Variants in ADGRE3 observed in about 807,000 individuals in gnomAD.
The protein encoded by ADGRE3 is EGF-like module receptor 3.
ADGRE3 carries 88 observed loss-of-function variants against 80.1 expected under a neutral mutation model. The observed-to-expected ratio is 1.10, with a 90% CI of 0.93 to 1.31. The LOEUF is 1.31. Among genes scored for constraint, ADGRE3 ranks in the 40% most tolerant of loss-of-function variants. The pLI is 0.00. For missense variants in ADGRE3, 715 were observed against 776.5 expected (o/e 0.92, Z 0.94); for synonymous variants, 281 against 294.8 (o/e 0.95, Z 0.48).
At chr19:14,620,568 A>ATATATATATTTTTT (rs1435435269) in intron 15 of ADGRE3, among the ~76,000 whole-genome samples, 2 of 11,048 alleles carry the variant, frequency 1.8e-4, no homozygotes, top group Admixed American at 2.0e-3. Context: ...ATATATATAT[A>ATATATATATTTTTT]TTTTTTTTTT....
chr19:14,629,969 A>T, intron 14 of ADGRE3, 70 bp downstream of exon 14: 1 of 1,001,916 alleles, frequency 1.0e-6, no homozygotes, highest in Non-Finnish European at 1.5e-6. Context: ...ATGTCAACTT[A>T]AATCCCCATT....
In ADGRE3 at chr19:14,667,013, G is replaced by A. The variant is rs566561179; in HGVS notation, c.76+1789C>T. 2.6e-4 allele frequency among the ~76,000 whole-genome samples: 40 copies of A among 152,252 alleles called. 1 individual carries two copies. In the South Asian group the frequency reaches 5.0e-3, roughly 19 times the overall value. The stretch of plus-strand genomic sequence containing the variant: ...GATGTAATCAAGTTAAGATGAGGTC[G>A]TACTGGAGTAGGGTGGGCGCAGGTT... On this transcript the variant is annotated intron_variant, in intron 2 of 15. Coordinates refer to ENST00000253673, the MANE Select transcript of ADGRE3 (RefSeq NM_032571.5).
rs755751535 is a variant in ADGRE3, at chr19:14,630,173, T to C, written c.1678A>G (p.Ile560Val). Reference protein sequence around the residue: ...LAFKATAQLFILGCTWCLGLL... With the variant: ...LAFKATAQLFVLGCTWCLGLL... ...CCCAGACACCATGTGCAGCCCAGGA[T>C]GAAGAGCTGAGCTGTTGCTTTGAAA... Residue 560 changes from isoleucine (I) to valine (V), a missense_variant, in exon 14 of 16, where the codon ATC becomes GTC. By Grantham distance (29) the Ile-to-Val change is conservative. Coordinates refer to ENST00000253673, the MANE Select transcript of ADGRE3 (RefSeq NM_032571.5). The C allele has an allele frequency of 6.2e-7, 1 of 1,610,802 alleles. No individual in the cohort carries two copies. Among genetic ancestry groups the C allele is most frequent in the Non-Finnish European group, 8.5e-7 (1 of 1,178,040 alleles).
At chr19:14,637,068 T>C (rs562337308) in intron 11 of ADGRE3, among the ~76,000 whole-genome samples, 1 of 152,084 alleles carries the variant, frequency 6.6e-6, no homozygotes, top group African/African-American at 2.4e-5. Context: ...GACTCCAGCC[T>C]GGGCAACAAG....
chr19:14,617,668 G>T (rs1309726448), downstream of ADGRE3, among the ~76,000 whole-genome samples: 3 of 151,922 alleles, frequency 2.0e-5, no homozygotes, highest in Non-Finnish European at 4.4e-5. Flanking sequence ...AAAATGCTAG[G>T]ATTACAGGCG....
chr19:14,658,233 C>T (rs1356361054), intron 5 of ADGRE3, among the ~76,000 whole-genome samples: 6 of 151,310 alleles, frequency 4.0e-5, no homozygotes, highest in Non-Finnish European at 7.4e-5. Flanking sequence ...CTGTATCTAT[C>T]TATCTATAGA....
chr19:14,601,166 G>A, the ADGRE3 span, among the ~76,000 whole-genome samples: 3 of 152,014 alleles, frequency 2.0e-5, no homozygotes, highest in Admixed American at 1.3e-4. Flanking sequence ...GCCTCCCAAA[G>A]TGCGGGGATT....
At chr19:14,628,669 C>G (rs1970795605) in intron 14 of ADGRE3, 1 of 379,598 alleles carries the variant, frequency 2.6e-6, no homozygotes, top group South Asian at 2.2e-5. Flanking sequence ...ACTGCTGTTC[C>G]ATGGTTTGAG....
At chr19:14,603,170 T>C in the ADGRE3 span, among the ~76,000 whole-genome samples, 5 of 152,362 alleles carry the variant, frequency 3.3e-5, no homozygotes, top group African/African-American at 1.2e-4. Context: ...TCTTGAGTTC[T>C]CATTCTGCTA....
At chr19:14,637,719 G>C (rs139721846) in intron 11 of ADGRE3, among the ~76,000 whole-genome samples, 10 of 151,636 alleles carry the variant, frequency 6.6e-5, no homozygotes, top group African/African-American at 2.2e-4. Context: ...GTAGAGATGA[G>C]GGCCTTGCTA....
chr19:14,648,188 T>G (rs1971469150), intron 7 of ADGRE3, among the ~76,000 whole-genome samples: 1 of 151,902 alleles, frequency 6.6e-6, no homozygotes, highest in African/African-American at 2.4e-5. Context: ...AATAATAATC[T>G]ATTTCTTCCT....
In ADGRE3 at chr19:14,665,978, A is replaced by ATATATG. The variant is rs1568500899; in HGVS notation, c.77-2439_77-2438insCATATA. 6.2e-5 allele frequency among the ~76,000 whole-genome samples: 8 copies of ATATATG among 128,246 alleles called. 1 individual carries two copies. The highest frequency in any genetic ancestry group is 2.0e-4 in the African/African-American group (7 of 34,434). The allele number at this position is 128,246 out of a possible 152,430, so 84.1% of individuals were successfully genotyped here. On this transcript the variant is annotated intron_variant, in intron 2 of 15. Coordinates refer to ENST00000253673, the MANE Select transcript of ADGRE3 (RefSeq NM_032571.5). ...TATATATATATATATATATATATATAGTGTTTTCTTTATCCACGTGTTGAT... is the reference window on the plus strand; with the variant it reads ...TATATATATATATATATATATATATATATATGGTGTTTTCTTTATCCACGTGTTGAT...
At chr19:14,673,626 C>T (rs557962401) in intron 1 of ADGRE3, among the ~76,000 whole-genome samples, 1 of 152,286 alleles carries the variant, frequency 6.6e-6, no homozygotes, top group Non-Finnish European at 1.5e-5. Context: ...ACCTGTGCCC[C>T]AGTTTTCTTA....
chr19:14,619,665 C>A (rs556057249), intron 15 of ADGRE3, among the ~76,000 whole-genome samples, 194 bp from the exon 16 acceptor site: 45 of 152,258 alleles, frequency 3.0e-4, no homozygotes, highest in Admixed American at 2.9e-3. Context: ...GAAGACTTAT[C>A]AAAAATTCAG....
At chr19:14,609,995 A>G in the ADGRE3 span, 4 of 1,135,370 alleles carry the variant, frequency 3.5e-6, no homozygotes, top group Non-Finnish European at 4.0e-6. Context: ...TCATCATTAC[A>G]GTATTATACA....
chr19:14,661,839 T>G, intron 4 of ADGRE3, 124 bp downstream of exon 4: 1 of 1,000,572 alleles, frequency 1.0e-6, no homozygotes, highest in Non-Finnish European at 1.5e-6. Flanking sequence ...GGCGGAGGTT[T>G]CAGCCACTGC....
At chr19:14,645,102 C>G (rs1194037210) in intron 8 of ADGRE3, among the ~76,000 whole-genome samples, 1 of 151,890 alleles carries the variant, frequency 6.6e-6, no homozygotes, top group Admixed American at 6.6e-5. Context: ...TAAAATAAAG[C>G]AAAGGCTCCC....
chr19:14,664,093 C>A (rs543378259), intron 2 of ADGRE3, among the ~76,000 whole-genome samples: 2 of 152,246 alleles, frequency 1.3e-5, no homozygotes, highest in East Asian at 3.9e-4. Context: ...CGTGGTGGCT[C>A]ACTCCGCCTG....
intron 15 of ADGRE3, among the ~76,000 whole-genome samples, chr19:14,624,543 C>G (rs923990936): frequency 2.0e-5 from 3 of 151,808 alleles, no homozygotes; most frequent in Admixed American, 6.6e-5. Flanking sequence ...ACTGCTCGAG[C>G]TGGGAGATCA....
Sources: gnomAD v4.1 joint callset for allele counts (sites outside exome capture counted in the v4.1 genomes callset) on GRCh38, gnomAD v4.1.1 for gene constraint, MANE v1.5 for transcripts, NCBI Gene and HGNC (gene_info 2026-07-23, HGNC 2026-07-21) for gene names.